The following FAM81A variants were observed in gnomAD, a reference collection of about 807,000 sequenced individuals.
FAM81A encodes the protein protein FAM81A.
Under a neutral mutation model 46.7 loss-of-function variants are expected in FAM81A, and 19 were observed. That is an observed-to-expected ratio of 0.41 (90% CI 0.28 to 0.60). The LOEUF (loss-of-function observed/expected upper bound fraction) is 0.60, where lower values mean the gene tolerates loss of function less well. FAM81A is among the 20% of genes least tolerant of loss of function. The pLI, the probability that FAM81A is intolerant of heterozygous loss-of-function variation, is 0.34. For missense variants in FAM81A, 377 were observed against 453.5 expected (o/e 0.83, Z 1.53); for synonymous variants, 183 against 152.9 (o/e 1.20, Z -1.45).
intron 8 of FAM81A, among the ~76,000 whole-genome samples, chr15:59,517,155 G>A (rs2082276333): frequency 6.6e-6 from 1 of 152,126 alleles, no homozygotes; most frequent in African/African-American, 2.4e-5. Context: ...TGTCTCAGAA[G>A]GAAGCACATA....
At chr15:59,416,646 G>A (rs147786991) in intron 2 of FAM81A, among the ~76,000 whole-genome samples, 3 of 152,124 alleles carry the variant, frequency 2.0e-5, no homozygotes, top group East Asian at 1.9e-4. Flanking sequence ...ACATCTTGCC[G>A]TCTCTTTCCC....
At chr15:59,495,824 A>T (rs768539764) in intron 4 of FAM81A, among the ~76,000 whole-genome samples, 12 of 152,214 alleles carry the variant, frequency 7.9e-5, no homozygotes, top group African/African-American at 1.4e-4. Context: ...TCTTTAGGAA[A>T]ATATTTATTC....
intron 4 of FAM81A, among the ~76,000 whole-genome samples, chr15:59,497,458 A>T (rs2082046415): frequency 6.6e-6 from 1 of 151,968 alleles, no homozygotes; most frequent in Non-Finnish European, 1.5e-5. Flanking sequence ...AAAAAAAAAA[A>T]TTTAAGATCA....
chr15:59,426,806 A>G (rs916013817), intron 2 of FAM81A, among the ~76,000 whole-genome samples: 1 of 152,182 alleles, frequency 6.6e-6, no homozygotes, highest in East Asian at 1.9e-4. Flanking sequence ...AAGCTTCTCA[A>G]TAGAGTGACA....
chr15:59,467,001 A>G (rs1477591852), intron 3 of FAM81A, among the ~76,000 whole-genome samples: 1 of 152,164 alleles, frequency 6.6e-6, no homozygotes, highest in African/African-American at 2.4e-5. Flanking sequence ...AGGTTTGTCA[A>G]AGATCAGATG....
intron 1 of FAM81A, 41 bp from the exon 2 acceptor site, chr15:59,458,509 A>G (rs2081510847): frequency 4.2e-6 from 6 of 1,444,302 alleles, no homozygotes; most frequent in Non-Finnish European, 5.8e-6. Flanking sequence ...TAAGTTCTAG[A>G]TATAAACTGT....
chr15:59,492,113 C>G (rs1596524757), intron 3 of FAM81A, among the ~76,000 whole-genome samples, 158 bp from the exon 4 acceptor site: 1 of 152,322 alleles, frequency 6.6e-6, no homozygotes, highest in Admixed American at 6.5e-5. Flanking sequence ...TCTAGGCCCC[C>G]TAGTTCTCTG....
chr15:59,500,177 T>A (rs1372098895), intron 4 of FAM81A, among the ~76,000 whole-genome samples: 2 of 152,142 alleles, frequency 1.3e-5, no homozygotes, highest in Non-Finnish European at 2.9e-5. Flanking sequence ...ATGGATCTCT[T>A]GGTGTTTGCC....
intron 3 of FAM81A, among the ~76,000 whole-genome samples, chr15:59,486,865 T>C (rs1404236835): frequency 6.6e-6 from 1 of 152,122 alleles, no homozygotes; most frequent in Non-Finnish European, 1.5e-5. Context: ...ACACCAGGCC[T>C]GTCCTACAAG....
intron 3 of FAM81A, among the ~76,000 whole-genome samples, chr15:59,480,056 T>G (rs1344817969): frequency 6.6e-6 from 1 of 151,992 alleles, no homozygotes; most frequent in African/African-American, 2.4e-5. Context: ...ATGGTGGAGA[T>G]GGGGAGAAGA....
intron 2 of FAM81A, among the ~76,000 whole-genome samples, chr15:59,417,633 T>C (rs1421842068): frequency 6.6e-6 from 1 of 152,028 alleles, no homozygotes; most frequent in African/African-American, 2.4e-5. Flanking sequence ...GAGAATTGCA[T>C]GAACCTGGGA....
intron 1 of FAM81A, among the ~76,000 whole-genome samples, chr15:59,450,058 G>A (rs1235900204): frequency 6.7e-6 from 1 of 149,276 alleles, no homozygotes; most frequent in Non-Finnish European, 1.5e-5. Flanking sequence ...TGGTAGCTGG[G>A]ACAATAGGTG....
upstream of FAM81A, among the ~76,000 whole-genome samples, chr15:59,437,942 G>A (rs1463325669): frequency 6.6e-6 from 1 of 152,030 alleles, no homozygotes; most frequent in African/African-American, 2.4e-5. Context: ...GACGAGCAGA[G>A]GCTATTTTGG....
chr15:59,410,733 A>G (rs1280691447), intron 2 of FAM81A, among the ~76,000 whole-genome samples: 7 of 152,218 alleles, frequency 4.6e-5, no homozygotes, highest in Non-Finnish European at 8.8e-5. Context: ...CAAGCAACAG[A>G]TGTTTCTTTA....
intron 4 of FAM81A, among the ~76,000 whole-genome samples, chr15:59,497,705 A>T (rs1474816661): frequency 6.6e-6 from 1 of 152,160 alleles, no homozygotes; most frequent in African/African-American, 2.4e-5. Flanking sequence ...GCAACATAGC[A>T]AGACTGTATA....
Position 59,492,393 on chromosome 15 carries a change from G to C in FAM81A, c.413+4G>C, listed in dbSNP as rs754344223. ...ATCTTCGAGGAAGAGTGGCAAGGTA[G>C]GTGTTCAAATGTTGGGGTCTCTGCT... On this transcript the variant is annotated splice_donor_region_variant and intron_variant, in intron 4 of 8. Coordinates refer to ENST00000288228, the MANE Select transcript of FAM81A (RefSeq NM_152450.3). 4.3e-6 allele frequency: 7 copies of C among 1,610,286 alleles called. No individual in the cohort carries two copies. The highest frequency in any genetic ancestry group is 5.1e-6 in the Non-Finnish European group (6 of 1,177,740).
intron 4 of FAM81A, among the ~76,000 whole-genome samples, chr15:59,496,020 GC>G (rs1166273745): frequency 1.3e-5 from 2 of 151,914 alleles, no homozygotes; most frequent in African/African-American, 4.8e-5. Context: ...TTTTAATCTT[GC>G]TTATATCTAA....
intron 3 of FAM81A, among the ~76,000 whole-genome samples, chr15:59,478,976 A>G (rs1455882149): frequency 6.6e-6 from 1 of 152,244 alleles, no homozygotes; most frequent in Non-Finnish European, 1.5e-5. Flanking sequence ...ACCAGATCCT[A>G]GAACATGGAG....
chr15:59,503,003 G>T (rs1178158352), intron 4 of FAM81A, among the ~76,000 whole-genome samples: 1 of 151,998 alleles, frequency 6.6e-6, no homozygotes, highest in African/African-American at 2.4e-5. Context: ...CACTTTGGGA[G>T]GCCGAGGTGG....
Sources: gnomAD v4.1 joint callset for allele counts (sites outside exome capture counted in the v4.1 genomes callset) on GRCh38, gnomAD v4.1.1 for gene constraint, MANE v1.5 for transcripts, NCBI Gene and HGNC (gene_info 2026-07-23, HGNC 2026-07-21) for gene names.